COL28A1: variants seen among roughly 807,000 people sequenced by gnomAD.
COL28A1 encodes the protein collagen alpha-1(XXVIII) chain.
Under a neutral mutation model 150.2 loss-of-function variants are expected in COL28A1, and 161 were observed. The ratio of observed to expected loss-of-function variants is 1.07; its 90% CI spans 0.94 to 1.22. The LOEUF is 1.22. Ranked by LOEUF, COL28A1 falls within the 50% of genes most tolerant of loss-of-function variation. The pLI is 0.00. For missense variants in COL28A1, 1,617 were observed against 1,388.3 expected, an observed-to-expected ratio of 1.16 and a Z score of -2.62; for synonymous variants, 552 against 469.7, an observed-to-expected ratio of 1.18 and a Z score of -2.26.
At chr7:7,542,142 G>C in the COL28A1 span, among the ~76,000 whole-genome samples, 1 of 152,180 alleles carries the variant, frequency 6.6e-6, no homozygotes, top group East Asian at 1.9e-4. Context: ...AAGGTCAGGA[G>C]ATCAAGGCCA....
Position 7,359,521 on chromosome 7 carries a change from T to C in COL28A1, c.3206-716A>G, listed in dbSNP as rs149886836. Among the ~76,000 whole-genome samples, 418 of 152,284 alleles carry C rather than the reference T, an allele frequency of 2.7e-3. 4 individuals carry two copies. Among genetic ancestry groups the C allele is most frequent in the African/African-American group, 9.5e-3 (396 of 41,542 alleles). ...TCCTCATTTGCTAAATCCCTTTTTATTGTTTGGTACTCTGGAGTGCCTTGA... is the reference window on the plus strand; with the variant it reads ...TCCTCATTTGCTAAATCCCTTTTTACTGTTTGGTACTCTGGAGTGCCTTGA... On this transcript the variant is annotated intron_variant, in intron 34 of 34. Transcript: ENST00000399429.
intron 27 of COL28A1, among the ~76,000 whole-genome samples, chr7:7,404,061 T>A (rs1214488286): frequency 6.6e-6 from 1 of 152,204 alleles, no homozygotes; most frequent in Non-Finnish European, 1.5e-5. Flanking sequence ...GTCATTTTTT[T>A]TTAATTGCAC....
intron 13 of COL28A1, among the ~76,000 whole-genome samples, chr7:7,478,810 G>A (rs544203299): frequency 6.6e-6 from 1 of 152,384 alleles, no homozygotes; most frequent in South Asian, 2.1e-4. Flanking sequence ...CACTGCCCGG[G>A]GCGGCAGGGC....
the COL28A1 span, among the ~76,000 whole-genome samples, chr7:7,542,573 G>C: frequency 8.5e-5 from 13 of 152,164 alleles, no homozygotes; most frequent in African/African-American, 3.1e-4. Flanking sequence ...TTACACAGAG[G>C]GCACCCAGGT....
At chr7:7,367,737 T>C (rs1781009415) in intron 33 of COL28A1, among the ~76,000 whole-genome samples, 1 of 151,986 alleles carries the variant, frequency 6.6e-6, no homozygotes, top group Admixed American at 6.6e-5. Flanking sequence ...CTTTTCCTCA[T>C]TACGTGTCAT....
intron 11 of COL28A1, among the ~76,000 whole-genome samples, chr7:7,493,375 A>G (rs533936827): frequency 6.1e-4 from 93 of 152,274 alleles, no homozygotes; most frequent in African/African-American, 2.1e-3. Context: ...CTTGAAATGT[A>G]TGGATCAGGA....
intron 7 of COL28A1, 148 bp downstream of exon 7, chr7:7,517,648 A>G: frequency 8.9e-7 from 1 of 1,121,012 alleles, no homozygotes; most frequent in Non-Finnish European, 1.3e-6. Flanking sequence ...CTAAGATCAT[A>G]TCTTTCTGAT....
intron 9 of COL28A1, among the ~76,000 whole-genome samples, chr7:7,508,231 C>CA (rs879724648): frequency 0.012 from 1,301 of 106,502 alleles, 8 homozygotes; most frequent in African/African-American, 0.031. Flanking sequence ...GACTCTGTCT[C>CA]AAAAAAAAAA....
intron 33 of COL28A1, among the ~76,000 whole-genome samples, chr7:7,366,079 G>C (rs117267017): frequency 6.6e-6 from 1 of 151,996 alleles, no homozygotes; most frequent in African/African-American, 2.4e-5. Flanking sequence ...CCTGCATTCT[G>C]GCTTTACCCA....
At chr7:7,414,281 C>T (rs1214516479) in intron 27 of COL28A1, among the ~76,000 whole-genome samples, 1 of 152,204 alleles carries the variant, frequency 6.6e-6, no homozygotes, top group Non-Finnish European at 1.5e-5. Flanking sequence ...CTGCTGGAGG[C>T]TTACAGTGGG....
intron 6 of COL28A1, among the ~76,000 whole-genome samples, chr7:7,518,107 C>T (rs1382783236): frequency 6.6e-6 from 1 of 152,066 alleles, no homozygotes; most frequent in Non-Finnish European, 1.5e-5. Context: ...TTGAACAACA[C>T]AGCGATTGTT....
At chr7:7,533,859 C>T (rs939404363) in intron 1 of COL28A1, among the ~76,000 whole-genome samples, 6 of 152,138 alleles carry the variant, frequency 3.9e-5, no homozygotes, top group African/African-American at 1.4e-4. Context: ...TATTTCGAAT[C>T]AATACTTAGT....
At chr7:7,352,737 C>A (rs1479797489), downstream of COL28A1, among the ~76,000 whole-genome samples, 1 of 152,174 alleles carries the variant, frequency 6.6e-6, no homozygotes, top group Admixed American at 6.5e-5. Context: ...TTCTGACCTA[C>A]AAAATTATAA....
At chr7:7,461,217 G>A (rs1046886423) in intron 15 of COL28A1, among the ~76,000 whole-genome samples, 2 of 152,316 alleles carry the variant, frequency 1.3e-5, no homozygotes, top group Non-Finnish European at 2.9e-5. Flanking sequence ...AGTAGAGAAA[G>A]CAGCAGGAAA....
At chr7:7,448,796 T>C (rs549259306) in intron 18 of COL28A1, among the ~76,000 whole-genome samples, 1 of 152,246 alleles carries the variant, frequency 6.6e-6, no homozygotes, top group Non-Finnish European at 1.5e-5. Context: ...TGTTCATATA[T>C]ATGCTACAAC....
intron 27 of COL28A1, 80 bp downstream of exon 27, chr7:7,417,778 AT>A: frequency 2.5e-6 from 3 of 1,188,510 alleles, no homozygotes; most frequent in Non-Finnish European, 2.5e-6. Flanking sequence ...CATAATAGCC[AT>A]TTTTGCGTTA....
intron 21 of COL28A1, among the ~76,000 whole-genome samples, chr7:7,437,939 G>A (rs1043955915): frequency 6.6e-6 from 1 of 152,024 alleles, no homozygotes; most frequent in Non-Finnish European, 1.5e-5. Context: ...TTTTTAAGAA[G>A]TAGAACCCCT....
intron 27 of COL28A1, among the ~76,000 whole-genome samples, chr7:7,394,593 C>T (rs891986428): frequency 7.2e-5 from 11 of 152,150 alleles, no homozygotes; most frequent in African/African-American, 2.7e-4. Context: ...GATGCTATAG[C>T]TATGGAGGGT....
rs534215921 is a variant in COL28A1 at position 7,530,663 on chromosome 7, A to C, written c.681+685T>G. Among the ~76,000 whole-genome samples the C allele has an allele frequency of 2.6e-5, 4 of 152,026 alleles. No individual in the cohort carries two copies. In the South Asian group the frequency reaches 8.3e-4, roughly 32 times the overall value. ...CGTGTGTTTTACAAAGCAGCAAGGA[A>C]AGGCTTTTATACACAGCTGAGCAAC... On this transcript the variant is annotated intron_variant, in intron 3 of 34. Transcript: ENST00000399429.
Sources: gnomAD v4.1 joint callset for allele counts (sites outside exome capture counted in the v4.1 genomes callset) on GRCh38, gnomAD v4.1.1 for gene constraint, MANE v1.5 for transcripts, NCBI Gene and HGNC (gene_info 2026-07-23, HGNC 2026-07-21) for gene names.